The following DCAF5 variants were observed in gnomAD, a reference collection of about 807,000 sequenced individuals.
DCAF5 encodes DDB1- and CUL4-associated factor 5.
A neutral mutation model predicts 80.7 loss-of-function variants in DCAF5; 9 were observed. The ratio of observed to expected loss-of-function variants is 0.11; its 90% CI spans 0.07 to 0.19. The LOEUF is 0.19. Ranked by LOEUF, DCAF5 falls within the 10% of genes least tolerant of loss-of-function variation. DCAF5 has a pLI of 1.00. For synonymous variants in DCAF5, 433 were observed against 461.9 expected (o/e 0.94, Z 0.80); for missense variants, 842 against 1,205.7 (o/e 0.70, Z 4.47).
rs1181527873 is a variant in DCAF5 at position 69,055,207 on chromosome 14, T to C, written c.1479A>G (p.Thr493=). Residue 493 remains threonine, a synonymous_variant, in exon 9 of 9, where the codon ACA becomes ACG. Coordinates refer to ENST00000341516, the MANE Select transcript of DCAF5 (RefSeq NM_003861.3). The surrounding 1 kb of genome is among the most constrained non-coding windows in gnomAD (Gnocchi z 5.6). ...LGPLRVTTTN[T]VASTPPTPTC... ...TGGGTGTTGGTGGAGTTGAGGCTAC[T>C]GTGTTTGTGGTGGTGACCCGCAGGG... is the stretch of plus-strand genomic sequence containing the variant. 2.5e-6 allele frequency: 4 copies of C among 1,614,212 alleles called. No individual in the cohort carries two copies. In the African/African-American group the frequency reaches 4.0e-5, roughly 16 times the overall value.
At chr14:69,149,884 T>C (rs2041649848) in intron 1 of DCAF5, among the ~76,000 whole-genome samples, 1 of 152,062 alleles carries the variant, frequency 6.6e-6, no homozygotes, top group South Asian at 2.1e-4. Flanking sequence ...GAGACAAAGA[T>C]AGATAAGAAA....
chr14:69,054,808 G>A lies in DCAF5; in HGVS notation c.1878C>T (p.Ser626=). The change falls in exon 9 of 9, where the codon TCC becomes TCT. Residue 626 remains serine (S), a synonymous_variant. Transcript: ENST00000341516. The part of the protein sequence containing the change: ...DYPQIKVDDL[S]SSPTSSPERS... ...GCTCAGGGGACGAGGTTGGGGAGGA[G>A]GAGAGGTCATCCACTTTGATCTGGG... 5.0e-6 allele frequency: 8 copies of A among 1,614,266 alleles called. No individual in the cohort carries two copies. The highest frequency in any genetic ancestry group is 6.8e-6 in the Non-Finnish European group (8 of 1,180,050).
chr14:69,086,972 T>A (rs899272860), intron 6 of DCAF5, among the ~76,000 whole-genome samples: 1 of 152,220 alleles, frequency 6.6e-6, no homozygotes, highest in Non-Finnish European at 1.5e-5. Context: ...TTTGTGTACA[T>A]CCTACTTTCA....
intron 6 of DCAF5, chr14:69,091,104 C>T (rs753458967): frequency 6.6e-6 from 5 of 757,638 alleles, no homozygotes; most frequent in African/African-American, 3.4e-5. Flanking sequence ...CCTGGTGAGA[C>T]TCAGAAAAGG....
chr14:69,084,331 T>G, intron 6 of DCAF5: 6 of 952,548 alleles, frequency 6.3e-6, no homozygotes, highest in Admixed American at 5.1e-5. Context: ...ATATGCAGAA[T>G]ATCCCAGGGT....
intron 2 of DCAF5, among the ~76,000 whole-genome samples, chr14:69,121,245 T>C (rs1489844331): frequency 6.6e-6 from 1 of 152,152 alleles, no homozygotes; most frequent in Non-Finnish European, 1.5e-5. Context: ...AGTAAACTTG[T>C]GTATGCAATG....
At chr14:69,060,483 G>C (rs997225816) in intron 8 of DCAF5, among the ~76,000 whole-genome samples, 12 of 152,094 alleles carry the variant, frequency 7.9e-5, no homozygotes, top group African/African-American at 2.7e-4. Flanking sequence ...CTAAATCAAG[G>C]AAGTTGGACT....
chr14:69,128,184 TTTC>T (rs937970081), intron 1 of DCAF5, among the ~76,000 whole-genome samples: 28 of 150,128 alleles, frequency 1.9e-4, no homozygotes, highest in East Asian at 5.8e-4. Flanking sequence ...TGAACAATTT[TTTC>T]TTCTTCTTTT....
chr14:69,141,793 C>T (rs181697133), intron 1 of DCAF5, among the ~76,000 whole-genome samples: 1 of 152,222 alleles, frequency 6.6e-6, no homozygotes. Context: ...AATCAGTCCT[C>T]CTGCCAACAT....
intron 1 of DCAF5, among the ~76,000 whole-genome samples, chr14:69,141,567 A>C (rs926288102): frequency 5.9e-5 from 9 of 152,154 alleles, no homozygotes; most frequent in Admixed American, 5.9e-4. Context: ...GGACCTTTTT[A>C]AGAATGAAAG....
At chr14:69,116,330 G>A (rs1477797487) in intron 5 of DCAF5, 36 bp downstream of exon 5, 3 of 1,590,338 alleles carry the variant, frequency 1.9e-6, no homozygotes, top group Non-Finnish European at 2.6e-6. Context: ...ATGAGGCAGA[G>A]GAAAGTTTTA....
Position 69,053,567 on chromosome 14 carries a change from T to G in DCAF5, c.*290A>C. The G allele has an allele frequency of 3.0e-6, 1 of 334,858 alleles. No individual in the cohort carries two copies. Among genetic ancestry groups the G allele is most frequent in the Non-Finnish European group, 5.4e-6 (1 of 183,692 alleles). The allele number at this position is 334,858 out of a possible 1,614,324, so 20.7% of individuals were successfully genotyped here. A position where few individuals can be genotyped will look rare whatever the true frequency, so the allele number is the denominator to read the frequency against. On this transcript the variant is annotated 3_prime_UTR_variant, in exon 9 of 9. Coordinates refer to ENST00000341516, the MANE Select transcript of DCAF5 (RefSeq NM_003861.3). ...AACAAGTCGAACGTCTCAACAAAGA[T>G]TTACTTCCACAGAGCCTTGCGCGGC...
intron 6 of DCAF5, among the ~76,000 whole-genome samples, chr14:69,080,117 C>CT (rs933740807): frequency 2.6e-5 from 4 of 151,760 alleles, no homozygotes; most frequent in African/African-American, 7.3e-5. Flanking sequence ...GCTCTTTTGT[C>CT]TTTTTTTTAA....
intron 7 of DCAF5, among the ~76,000 whole-genome samples, chr14:69,064,242 T>C (rs906029940): frequency 7.2e-5 from 11 of 152,162 alleles, no homozygotes; most frequent in African/African-American, 2.4e-4. Flanking sequence ...AAAAGTTCCT[T>C]TGGGTCTATT....
At chr14:69,125,836 A>G (rs757919747) in intron 1 of DCAF5, among the ~76,000 whole-genome samples, 2 of 152,186 alleles carry the variant, frequency 1.3e-5, no homozygotes, top group Non-Finnish European at 2.9e-5. Context: ...GAAAGGGATA[A>G]TATCTAAGCA....
chr14:69,102,081 C>T (rs2140005332), intron 5 of DCAF5, among the ~76,000 whole-genome samples: 1 of 150,234 alleles, frequency 6.7e-6, no homozygotes, highest in African/African-American at 2.4e-5. Context: ...TTTCTTTCTG[C>T]AATAATTAAC....
At chr14:69,088,232 G>A (rs571252258) in intron 6 of DCAF5, among the ~76,000 whole-genome samples, 1 of 152,274 alleles carries the variant, frequency 6.6e-6, no homozygotes, top group African/African-American at 2.4e-5. Flanking sequence ...GTGAAAAGGG[G>A]TCTCTATTGA....
At chr14:69,142,764 G>A (rs1395201418) in intron 1 of DCAF5, among the ~76,000 whole-genome samples, 1 of 152,114 alleles carries the variant, frequency 6.6e-6, no homozygotes, top group Non-Finnish European at 1.5e-5. Flanking sequence ...AACTATATGA[G>A]GAAAGACACC....
At chr14:69,105,530 G>A (rs1566758805) in intron 5 of DCAF5, among the ~76,000 whole-genome samples, 1 of 152,082 alleles carries the variant, frequency 6.6e-6, no homozygotes, top group African/African-American at 2.4e-5. Flanking sequence ...GTGAGTCAGT[G>A]GGCAGGGAGA....
Sources: gnomAD v4.1 joint callset for allele counts (sites outside exome capture counted in the v4.1 genomes callset) on GRCh38, gnomAD v4.1.1 for gene constraint, Gnocchi (gnomAD v3.1) non-coding constraint, MANE v1.5 for transcripts, NCBI Gene and HGNC (gene_info 2026-07-23, HGNC 2026-07-21) for gene names.